The following NRG3 variants were observed in gnomAD, a reference collection of about 807,000 sequenced individuals.
The protein encoded by NRG3 is neuregulin 3.
A neutral mutation model predicts 66.9 loss-of-function variants in NRG3; 31 were observed. That is an observed-to-expected ratio of 0.46 (90% confidence interval 0.35 to 0.63). NRG3 has a LOEUF of 0.63. NRG3 is among the 20% of genes least tolerant of loss of function. The probability of loss-of-function intolerance (pLI) is 0.00; values close to 1 mark genes in which losing one functional copy is unlikely to be tolerated. For missense variants in NRG3, 910 were observed against 878.9 expected (o/e 1.04, Z -0.45); for synonymous variants, 393 against 359.4 (o/e 1.09, Z -1.06).
intron 1 of NRG3, among the ~76,000 whole-genome samples, chr10:82,311,233 A>G (rs2081009417): frequency 6.6e-6 from 1 of 152,222 alleles, no homozygotes; most frequent in Non-Finnish European, 1.5e-5. Context: ...AGCATCATTC[A>G]GGAGGTGAAT....
rs568695921 is a variant in NRG3, at chr10:82,241,094, A to G, written c.824-117645A>G. Among the ~76,000 whole-genome samples the G allele has an allele frequency of 6.6e-5, 10 of 152,290 alleles. No homozygotes were observed. The East Asian group carries it at 1.9e-3, about 29-fold the overall frequency. The stretch of plus-strand genomic sequence containing the variant: ...CTGATTCTCTGAGCTAGAATAATTT[A>G]TACTTTTCTATGAACATTAGAGAAG... On this transcript the variant is annotated intron_variant, in intron 1 of 8. Coordinates refer to ENST00000372141, the MANE Select transcript of NRG3 (RefSeq NM_001010848.4).
chr10:82,776,089 G>A (rs1413950988), intron 3 of NRG3, among the ~76,000 whole-genome samples: 2 of 151,976 alleles, frequency 1.3e-5, no homozygotes, highest in Non-Finnish European at 2.9e-5. Flanking sequence ...CAATTGAAAA[G>A]CTAAACATTT....
chr10:82,166,265 C>T (rs781720970), intron 1 of NRG3, among the ~76,000 whole-genome samples: 17 of 152,186 alleles, frequency 1.1e-4, no homozygotes, highest in South Asian at 2.1e-4. Context: ...GTGATCCGCC[C>T]GCCTTGGCCT....
intron 1 of NRG3, among the ~76,000 whole-genome samples, chr10:82,162,027 TTA>T (rs2071640598): frequency 6.6e-6 from 1 of 152,112 alleles, no homozygotes; most frequent in Admixed American, 6.6e-5. Flanking sequence ...TGCCGGAAGC[TTA>T]TATATTAAGG....
intron 1 of NRG3, among the ~76,000 whole-genome samples, chr10:82,080,043 GA>G (rs769864909): frequency 3.9e-5 from 6 of 152,160 alleles, no homozygotes; most frequent in South Asian, 2.1e-4. Context: ...AATCACAAAA[GA>G]ACAGTCAGTA....
chr10:82,551,567 G>T (rs1224830721), intron 2 of NRG3, among the ~76,000 whole-genome samples: 1 of 150,906 alleles, frequency 6.6e-6, no homozygotes, highest in Non-Finnish European at 1.5e-5. Flanking sequence ...GATGATAAAG[G>T]TATCAAGGTC....
chr10:82,061,677 A>G (rs190398214), intron 1 of NRG3, among the ~76,000 whole-genome samples: 2 of 152,236 alleles, frequency 1.3e-5, no homozygotes, highest in Admixed American at 6.5e-5. Flanking sequence ...GGGTATCATG[A>G]TGGAGTCACA....
intron 4 of NRG3, among the ~76,000 whole-genome samples, chr10:82,909,370 A>G (rs967375496): frequency 3.9e-5 from 6 of 152,198 alleles, no homozygotes; most frequent in Non-Finnish European, 5.9e-5. Flanking sequence ...TTCAAACTCC[A>G]AAATGCTCCA....
At chr10:82,098,522 G>A (rs2066519089) in intron 1 of NRG3, among the ~76,000 whole-genome samples, 1 of 152,094 alleles carries the variant, frequency 6.6e-6, no homozygotes, top group Admixed American at 6.6e-5. Context: ...CTGTGTTAGA[G>A]GGTACAGTGT....
chr10:82,874,282 A>G (rs917207640), intron 4 of NRG3, among the ~76,000 whole-genome samples: 3 of 152,026 alleles, frequency 2.0e-5, no homozygotes, highest in Admixed American at 1.3e-4. Flanking sequence ...TACCCTGCAT[A>G]TTGTAAATGA....
intron 1 of NRG3, among the ~76,000 whole-genome samples, chr10:82,314,969 G>A (rs2081220659): frequency 6.6e-6 from 1 of 152,000 alleles, no homozygotes; most frequent in South Asian, 2.1e-4. Context: ...ACTATAAACT[G>A]ATAAATTTGA....
intron 1 of NRG3, among the ~76,000 whole-genome samples, chr10:82,187,321 G>A (rs372556242): frequency 4.6e-5 from 7 of 152,062 alleles, no homozygotes; most frequent in African/African-American, 9.6e-5. Context: ...GTTTTAATTC[G>A]CTTCTTATAT....
intron 3 of NRG3, among the ~76,000 whole-genome samples, chr10:82,848,974 C>G (rs2063436772): frequency 6.6e-6 from 1 of 152,094 alleles, no homozygotes; most frequent in African/African-American, 2.4e-5. Flanking sequence ...TATAAATTAC[C>G]CAGTCTCAGT....
chr10:82,112,957 C>T (rs2067479600), intron 1 of NRG3, among the ~76,000 whole-genome samples: 1 of 152,124 alleles, frequency 6.6e-6, no homozygotes, highest in African/African-American at 2.4e-5. Flanking sequence ...AGATGCCTAG[C>T]TCATCTTCTC....
rs890575899 is a variant in NRG3, at chr10:82,095,002, A to G, written c.823+218839A>G. 3.9e-5 allele frequency among the ~76,000 whole-genome samples: 6 copies of G among 152,296 alleles called. No homozygotes were observed. In the East Asian group the frequency reaches 9.7e-4, roughly 25 times the overall value. ...CCCCTATGCAATATATTCATGTGGC[A>G]TAACTGGACTTGTGCCCCATAAATT... On this transcript the variant is annotated intron_variant, in intron 1 of 8. Coordinates refer to ENST00000372141, the MANE Select transcript of NRG3 (RefSeq NM_001010848.4).
At chr10:82,663,469 A>G (rs184957565) in intron 2 of NRG3, among the ~76,000 whole-genome samples, 17 of 152,314 alleles carry the variant, frequency 1.1e-4, no homozygotes, top group Non-Finnish European at 2.5e-4. Flanking sequence ...TTTTTTAACA[A>G]TAGCCTCATA....
At chr10:82,313,889 G>A (rs1435005196) in intron 1 of NRG3, among the ~76,000 whole-genome samples, 2 of 152,198 alleles carry the variant, frequency 1.3e-5, no homozygotes, top group African/African-American at 2.4e-5. Flanking sequence ...ACAATTCTAT[G>A]TGCTTGAGCA....
At chr10:81,982,271 G>A (rs2060357054) in intron 1 of NRG3, among the ~76,000 whole-genome samples, 1 of 152,128 alleles carries the variant, frequency 6.6e-6, no homozygotes, top group African/African-American at 2.4e-5. Context: ...GGTAAGTGTT[G>A]TCTTTCCTCT....
At chr10:82,665,953 C>G (rs1433818505) in intron 2 of NRG3, among the ~76,000 whole-genome samples, 11 of 152,156 alleles carry the variant, frequency 7.2e-5, no homozygotes, top group Admixed American at 6.5e-4. Context: ...CCTACACCTC[C>G]CAGGTTCAAG....
Sources: allele counts gnomAD v4.1 joint callset (sites outside exome capture counted in the v4.1 genomes callset), GRCh38; gene constraint gnomAD v4.1.1; transcripts MANE v1.5; gene names NCBI Gene and HGNC (gene_info 2026-07-23, HGNC 2026-07-21).